Variants in DPYSL3 observed in about 807,000 individuals in gnomAD.
The protein encoded by DPYSL3 is dihydropyrimidinase like 3, also known as dihydropyrimidinase-related protein 3.
Under a neutral mutation model 66.1 loss-of-function variants are expected in DPYSL3, and 16 were observed. That is an observed-to-expected ratio of 0.24 (90% CI 0.16 to 0.37). The LOEUF (loss-of-function observed/expected upper bound fraction) is 0.37, where lower values mean the gene tolerates loss of function less well. Ranked by LOEUF, DPYSL3 falls within the 10% of genes least tolerant of loss-of-function variation. The pLI, the probability that DPYSL3 is intolerant of heterozygous loss-of-function variation, is 1.00. For missense variants in DPYSL3, 738 were observed against 916.2 expected (o/e 0.81, Z 2.51); for synonymous variants, 338 against 345.1 (o/e 0.98, Z 0.23).
chr5:147,418,104 T>G (rs1338395244), intron 3 of DPYSL3, among the ~76,000 whole-genome samples: 1 of 152,234 alleles, frequency 6.6e-6, no homozygotes, highest in Non-Finnish European at 1.5e-5. Context: ...TTTGAAATAA[T>G]GTTTCATCTT....
At chr5:147,421,714 C>G (rs116089708) in intron 2 of DPYSL3, among the ~76,000 whole-genome samples, 1 of 152,236 alleles carries the variant, frequency 6.6e-6, no homozygotes, top group East Asian at 1.9e-4. Context: ...CACACATCTA[C>G]AACTATTTGA....
intron 1 of DPYSL3, among the ~76,000 whole-genome samples, chr5:147,503,935 T>C (rs991882588): frequency 5.3e-5 from 8 of 152,228 alleles, no homozygotes; most frequent in Admixed American, 3.3e-4. Context: ...AGTAGAACTG[T>C]CTTTTGAATG....
At chr5:147,490,228 T>A (rs768226381) in intron 1 of DPYSL3, among the ~76,000 whole-genome samples, 23 of 152,172 alleles carry the variant, frequency 1.5e-4, no homozygotes, top group Admixed American at 2.6e-4. Flanking sequence ...AAAGCATCTA[T>A]CCCATGTTTA....
At chr5:147,503,619 C>T (rs1164637736) in intron 1 of DPYSL3, among the ~76,000 whole-genome samples, 1 of 152,160 alleles carries the variant, frequency 6.6e-6, no homozygotes, top group African/African-American at 2.4e-5. Flanking sequence ...GTGATATTTC[C>T]ATATGTAATT....
In DPYSL3 at chr5:147,509,409, C is replaced by G; in HGVS notation, c.381+69G>C. On this transcript the variant is annotated intron_variant, in intron 1 of 13. Transcript: ENST00000343218. The surrounding 1 kb of genome is among the most constrained non-coding windows in gnomAD (Gnocchi z 5.3). ...AAAGTGAGCTGGAGAAAGTTGTGCC[C>G]GGGCCATGGCGGCCAGGGCTGGAGA... 6.9e-7 allele frequency: 1 copy of G among 1,443,830 alleles called. No individual in the cohort carries two copies. Among genetic ancestry groups the G allele is most frequent in the Non-Finnish European group, 9.1e-7 (1 of 1,102,546 alleles). 89.4% of individuals were successfully genotyped at this position (1,443,830 alleles called of 1,614,324 possible).
chr5:147,438,421 G>A (rs993399892), intron 1 of DPYSL3, among the ~76,000 whole-genome samples: 1 of 152,088 alleles, frequency 6.6e-6, no homozygotes, highest in Non-Finnish European at 1.5e-5. Context: ...GAGACAAGTG[G>A]GTAGTTAATC....
chr5:147,449,571 C>A (rs556748875), intron 1 of DPYSL3, among the ~76,000 whole-genome samples: 8 of 152,342 alleles, frequency 5.3e-5, no homozygotes, highest in Admixed American at 2.0e-4. Context: ...CTCCAAGAGG[C>A]AGCTGCTGCA....
In DPYSL3 at chr5:147,422,600, C is replaced by G. The variant is rs554762812; in HGVS notation, c.470+2275G>C. On this transcript the variant is annotated intron_variant, in intron 2 of 13. Transcript: ENST00000343218. Reference sequence around the variant, plus strand: ...ACAACAGCAAAGACTTAGAACCAACCCAAATGCCCATTGATGACAGACTGG... The same window carrying G: ...ACAACAGCAAAGACTTAGAACCAACGCAAATGCCCATTGATGACAGACTGG... 5.3e-5 allele frequency among the ~76,000 whole-genome samples: 8 copies of G among 152,208 alleles called. No homozygotes were observed. The East Asian group carries it at 1.4e-3, about 26-fold the overall frequency.
intron 2 of DPYSL3, among the ~76,000 whole-genome samples, chr5:147,418,849 G>A (rs888951859): frequency 7.2e-5 from 11 of 152,238 alleles, no homozygotes; most frequent in Admixed American, 3.9e-4. Context: ...TATGCCATTC[G>A]GTGGGACCAC....
At chr5:147,441,744 G>C (rs1217606755) in intron 1 of DPYSL3, among the ~76,000 whole-genome samples, 2 of 152,120 alleles carry the variant, frequency 1.3e-5, no homozygotes, top group Admixed American at 6.5e-5. Flanking sequence ...TCATTCAAAT[G>C]AAGGGGTTGG....
intron 7 of DPYSL3, among the ~76,000 whole-genome samples, chr5:147,407,146 C>T (rs558735509): frequency 1.3e-5 from 2 of 152,146 alleles, no homozygotes; most frequent in African/African-American, 2.4e-5. Context: ...TCCCACTTCA[C>T]ACCCATGCTG....
chr5:147,453,800 G>A (rs924718664), intron 1 of DPYSL3: 1 of 1,080,772 alleles, frequency 9.3e-7, no homozygotes, highest in Non-Finnish European at 1.1e-6. Context: ...TTTCACCCCC[G>A]CCCCCCCACG....
chr5:147,390,976 T>C lies in DPYSL3; in HGVS notation c.*3059A>G, dbSNP rs1757781034. ...ACAGCTAGCACAGATCACAGGAGATTACTGTCTGTCCATACCCACCAGACA... is the reference window on the plus strand; with the variant it reads ...ACAGCTAGCACAGATCACAGGAGATCACTGTCTGTCCATACCCACCAGACA... On this transcript the variant is annotated 3_prime_UTR_variant, in exon 14 of 14. Coordinates refer to ENST00000343218, the MANE Select transcript of DPYSL3 (RefSeq NM_001197294.2). 6.6e-6 allele frequency: 1 copy of C among 152,666 alleles called. No homozygotes were observed. The highest frequency in any genetic ancestry group is 1.5e-5 in the Non-Finnish European group (1 of 68,056). The allele number at this position is 152,666 out of a possible 1,614,324, so 9.5% of individuals were successfully genotyped here.
intron 1 of DPYSL3, among the ~76,000 whole-genome samples, chr5:147,502,506 G>T (rs1340836712): frequency 6.7e-6 from 1 of 149,724 alleles, no homozygotes; most frequent in African/African-American, 2.5e-5. Flanking sequence ...GATCTCTTTG[G>T]TACATCTTAA....
In DPYSL3 at chr5:147,400,734, A is replaced by G. The variant is rs1336787531; in HGVS notation, c.1410T>C (p.Asn470=). The change falls in exon 10 of 14, where the codon AAT becomes AAC. Residue 470 remains asparagine, a synonymous_variant. Transcript: ENST00000343218. ...DNFTAIPEGT[N]GVEERMSVIW... is the part of the protein sequence containing the mutation. The stretch of plus-strand genomic sequence containing the variant: ...TGACAGACATCCGCTCCTCCACACC[A>G]TTGGTGCCCTCAGGAATGGCTGTGA... The G allele has an allele frequency of 2.5e-6, 4 of 1,613,990 alleles. No individual in the cohort carries two copies. In the African/African-American group the frequency reaches 4.0e-5, roughly 16 times the overall value.
At chr5:147,416,415 C>G (rs1751969653) in intron 3 of DPYSL3, among the ~76,000 whole-genome samples, 1 of 152,210 alleles carries the variant, frequency 6.6e-6, no homozygotes, top group African/African-American at 2.4e-5. Context: ...TTACATAAAC[C>G]TGATACTGGG....
At chr5:147,464,090 T>C (rs1322008658) in intron 1 of DPYSL3, among the ~76,000 whole-genome samples, 3 of 152,138 alleles carry the variant, frequency 2.0e-5, no homozygotes, top group Non-Finnish European at 4.4e-5. Context: ...TCAAATACCA[T>C]TTTAACCAGA....
chr5:147,399,432 A>G (rs79849219), intron 10 of DPYSL3, among the ~76,000 whole-genome samples, 180 bp from the exon 11 acceptor site: 3,180 of 152,248 alleles, frequency 0.021, 100 homozygotes, highest in African/African-American at 0.072. Context: ...TGTCGTGACT[A>G]CTCAGGTAAA....
At chr5:147,507,684 A>G (rs1378823868) in intron 1 of DPYSL3, among the ~76,000 whole-genome samples, 2 of 152,216 alleles carry the variant, frequency 1.3e-5, no homozygotes, top group African/African-American at 2.4e-5. Flanking sequence ...TGGCAAGCCC[A>G]AACTTACAAA....
Sources: gnomAD v4.1 joint callset for allele counts (sites outside exome capture counted in the v4.1 genomes callset) on GRCh38, gnomAD v4.1.1 for gene constraint, Gnocchi (gnomAD v3.1) non-coding constraint, MANE v1.5 for transcripts, NCBI Gene and HGNC (gene_info 2026-07-23, HGNC 2026-07-21) for gene names.